The following ULK4 variants were observed in gnomAD, a reference collection of about 807,000 sequenced individuals.
ULK4 encodes inactive serine/threonine-protein kinase ULK4.
ULK4 carries 133 observed loss-of-function variants against 160.6 expected under a neutral mutation model. That is an observed-to-expected ratio of 0.83 (90% CI 0.72 to 0.96). The LOEUF is 0.96. ULK4 is among the 40% of genes least tolerant of loss of function. The probability of loss-of-function intolerance (pLI) is 0.00; values close to 1 mark genes in which losing one functional copy is unlikely to be tolerated. For missense variants in ULK4, 1,580 were observed against 1,499.5 expected (o/e 1.05, Z -0.89); for synonymous variants, 534 against 539.8 (o/e 0.99, Z 0.15).
rs1317191801 is a variant in ULK4 at position 41,256,869 on chromosome 3, T to C, written c.3679-7295A>G. ...CATAAAAGTAACTCTTTAAAAATATTATTTTTAGAAAGAGGGTCTCTGTTG... is the reference window on the plus strand; with the variant it reads ...CATAAAAGTAACTCTTTAAAAATATCATTTTTAGAAAGAGGGTCTCTGTTG... On this transcript the variant is annotated intron_variant, in intron 35 of 36. Transcript: ENST00000301831. 2.6e-5 allele frequency among the ~76,000 whole-genome samples: 4 copies of C among 152,326 alleles called. No homozygotes were observed. In the South Asian group the frequency reaches 8.3e-4, roughly 32 times the overall value.
chr3:41,908,088 T>C (rs980935270), intron 11 of ULK4, 147 bp from the exon 12 acceptor site: 5 of 365,414 alleles, frequency 1.4e-5, no homozygotes, highest in Middle Eastern at 7.9e-4. Context: ...ATCTAATTTA[T>C]GTTTATATAA....
At chr3:41,721,014 G>A (rs541806615) in intron 22 of ULK4, among the ~76,000 whole-genome samples, 2 of 151,946 alleles carry the variant, frequency 1.3e-5, no homozygotes, top group South Asian at 2.1e-4. Context: ...ATTAGAATGC[G>A]GCTGTCAAAA....
intron 30 of ULK4, among the ~76,000 whole-genome samples, chr3:41,645,892 T>C (rs2034465892): frequency 6.6e-6 from 1 of 152,220 alleles, no homozygotes; most frequent in Admixed American, 6.5e-5. Context: ...TAGGTGCATA[T>C]ATATTTAGGA....
Position 41,389,855 on chromosome 3 carries a change from A to C in ULK4, c.3678+8224T>G, listed in dbSNP as rs560189599. Among the ~76,000 whole-genome samples the C allele has an allele frequency of 9.6e-4, 146 of 152,244 alleles. No individual in the cohort carries two copies. In the East Asian group the frequency reaches 0.027, roughly 28 times the overall value. On this transcript the variant is annotated intron_variant, in intron 35 of 36. Transcript: ENST00000301831. ...TCTCTTTTTTTGTTGTGTCTCTGCC[A>C]GGCTTTGGTATCAGGATGATGCTGG...
At chr3:41,878,163 T>G (rs1222544345) in intron 17 of ULK4, among the ~76,000 whole-genome samples, 4 of 151,168 alleles carry the variant, frequency 2.6e-5, no homozygotes, top group Non-Finnish European at 5.9e-5. Context: ...CAAGATTCCT[T>G]ATAGAAGTGG....
At chr3:41,570,589 C>A (rs1454791408) in intron 31 of ULK4, among the ~76,000 whole-genome samples, 1 of 152,224 alleles carries the variant, frequency 6.6e-6, no homozygotes, top group African/African-American at 2.4e-5. Context: ...AAATATAGGT[C>A]AGTCTTACTA....
chr3:41,332,649 A>G (rs984556285), intron 35 of ULK4, among the ~76,000 whole-genome samples: 1 of 152,242 alleles, frequency 6.6e-6, no homozygotes, highest in African/African-American at 2.4e-5. Context: ...TATTTTTGTA[A>G]TAATTTCCAC....
At chr3:41,776,127 A>C (rs959106061) in intron 21 of ULK4, among the ~76,000 whole-genome samples, 1 of 150,992 alleles carries the variant, frequency 6.6e-6, no homozygotes, top group Non-Finnish European at 1.5e-5. Flanking sequence ...TGTCAGACTT[A>C]CATGTTCGCC....
At chr3:41,695,377 T>C (rs921316814) in intron 27 of ULK4, among the ~76,000 whole-genome samples, 1 of 152,210 alleles carries the variant, frequency 6.6e-6, no homozygotes, top group African/African-American at 2.4e-5. Flanking sequence ...TCTTGGTCTC[T>C]AATGCCATTT....
intron 21 of ULK4, among the ~76,000 whole-genome samples, chr3:41,787,086 C>T (rs1378013983): frequency 6.6e-6 from 1 of 152,212 alleles, no homozygotes; most frequent in African/African-American, 2.4e-5. Flanking sequence ...TACTCTACTT[C>T]AGCCAAGCAC....
chr3:41,875,194 AG>A (rs1697256582), intron 17 of ULK4, among the ~76,000 whole-genome samples: 1 of 151,770 alleles, frequency 6.6e-6, no homozygotes, highest in Admixed American at 6.5e-5. Flanking sequence ...AAATTAAATA[AG>A]ATAAATTTCA....
chr3:41,446,578 G>A (rs1324091140), intron 34 of ULK4, among the ~76,000 whole-genome samples: 3 of 152,076 alleles, frequency 2.0e-5, no homozygotes, highest in Admixed American at 1.3e-4. Flanking sequence ...CCTTTGTAGG[G>A]ACATGGATGA....
chr3:41,492,042 CCCTACAAAGGACATGAA>C (rs1474750645), intron 32 of ULK4, among the ~76,000 whole-genome samples: 1 of 151,940 alleles, frequency 6.6e-6, no homozygotes, highest in African/African-American at 2.4e-5. Context: ...TCATCCATGT[CCCTACAAAGGACATGAA>C]CTCATCATTT....
chr3:41,761,988 G>T (rs868668702), intron 21 of ULK4, among the ~76,000 whole-genome samples: 1 of 152,106 alleles, frequency 6.6e-6, no homozygotes. Flanking sequence ...GATGGCTGAG[G>T]TGGATGGATC....
chr3:41,869,617 A>AAT (rs1697019700), intron 17 of ULK4, among the ~76,000 whole-genome samples: 3 of 152,114 alleles, frequency 2.0e-5, no homozygotes, highest in African/African-American at 7.2e-5. Context: ...CATAAAACAT[A>AAT]ATATACACAT....
chr3:41,478,461 T>C lies in ULK4; in HGVS notation c.3227-15208A>G, dbSNP rs182136314. ...GCCCAGCTCCCTTCTGAGCCCACAG[T>C]GGTCTCTGGATCCTCCTATGATTAG... On this transcript the variant is annotated intron_variant, in intron 32 of 36. Transcript: ENST00000301831. 2.0e-5 allele frequency among the ~76,000 whole-genome samples: 3 copies of C among 152,354 alleles called. No individual in the cohort carries two copies. In the East Asian group the frequency reaches 5.8e-4, roughly 29 times the overall value.
intron 18 of ULK4, among the ~76,000 whole-genome samples, chr3:41,825,057 C>A (rs1411828415): frequency 1.3e-5 from 2 of 152,222 alleles, no homozygotes; most frequent in East Asian, 1.9e-4. Context: ...TGAACAGGGT[C>A]TGGAGTGGAC....
intron 31 of ULK4, among the ~76,000 whole-genome samples, chr3:41,601,531 G>C (rs1030332493): frequency 1.1e-4 from 16 of 151,952 alleles, no homozygotes; most frequent in African/African-American, 3.9e-4. Context: ...GGGAAACAGG[G>C]GACTAATTTT....
chr3:41,557,154 G>C (rs11922619), intron 32 of ULK4, among the ~76,000 whole-genome samples: 75,036 of 151,620 alleles, frequency 0.49, 18,741 homozygotes, highest in Middle Eastern at 0.59. Context: ...AGCCAAAAAA[G>C]CATTTGACAA....
Sources: allele counts gnomAD v4.1 joint callset (sites outside exome capture counted in the v4.1 genomes callset), GRCh38; gene constraint gnomAD v4.1.1; transcripts MANE v1.5; gene names NCBI Gene and HGNC (gene_info 2026-07-23, HGNC 2026-07-21).